The following WWP1 variants were observed in gnomAD, a reference collection of about 807,000 sequenced individuals.
WWP1 encodes NEDD4-like E3 ubiquitin-protein ligase WWP1.
In WWP1, 49 loss-of-function variants were observed where a neutral mutation model predicts 130.6. The observed-to-expected ratio is 0.38, with a 90% CI of 0.30 to 0.48. The LOEUF (loss-of-function observed/expected upper bound fraction) is 0.48, where lower values mean the gene tolerates loss of function less well. Ranked by LOEUF, WWP1 falls within the 20% of genes least tolerant of loss-of-function variation. WWP1 has a pLI of 0.99. For missense variants in WWP1, 809 were observed against 1,100.6 expected (o/e 0.74, Z 3.75); for synonymous variants, 332 against 367.8 (o/e 0.90, Z 1.11).
Position 86,466,829 on chromosome 8 carries a change from A to G in WWP1, c.2705A>G (p.Tyr902Cys), listed in dbSNP as rs1253304877. Residue 902 changes from tyrosine (Y) to cysteine (C), a missense_variant, in exon 25 of 25, where the codon TAT becomes TGT. Physicochemically the swap from Tyr to Cys is radical, Grantham distance 194. Coordinates refer to ENST00000517970, the MANE Select transcript of WWP1 (RefSeq NM_007013.4). ...TTGGATCTACCACCATATAAGAGTT[A>G]TGAACAACTAAAGGAAAAACTTCTT... The part of the protein sequence containing the change: ...NRLDLPPYKS[Y>C]EQLKEKLLFA... 1 of 1,606,148 alleles carries G rather than the reference A, an allele frequency of 6.2e-7. No individual in the cohort carries two copies. The highest frequency in any genetic ancestry group is 8.5e-7 in the Non-Finnish European group (1 of 1,178,136).
rs540782727 is a variant in WWP1 at position 86,369,263 on chromosome 8, C to A, written c.-22+232C>A. 3.7e-3 allele frequency among the ~76,000 whole-genome samples: 566 copies of A among 152,232 alleles called. 3 individuals carry two copies. The highest frequency in any genetic ancestry group is 6.7e-3 in the Non-Finnish European group (453 of 68,010). On this transcript the variant is annotated intron_variant, in intron 2 of 24. Transcript: ENST00000517970. The stretch of plus-strand genomic sequence containing the variant: ...GGGAGAATATATGACAGTACCTTAT[C>A]TTTTAAGTGTCATACAACTTTATTA...
At chr8:86,459,693 T>G (rs1319150516) in intron 22 of WWP1, among the ~76,000 whole-genome samples, 1 of 152,268 alleles carries the variant, frequency 6.6e-6, no homozygotes, top group Non-Finnish European at 1.5e-5. Flanking sequence ...CTGCATTATA[T>G]ACAGTATGCA....
intron 9 of WWP1, among the ~76,000 whole-genome samples, chr8:86,415,748 A>C (rs1563511551): frequency 6.6e-6 from 1 of 152,198 alleles, no homozygotes; most frequent in African/African-American, 2.4e-5. Flanking sequence ...ATGGAGTATG[A>C]ACTCTTTTGA....
chr8:86,395,399 T>G (rs1807601836), intron 5 of WWP1, among the ~76,000 whole-genome samples: 1 of 78,228 alleles, frequency 1.3e-5, no homozygotes, highest in African/African-American at 6.3e-5. Context: ...ATGGACCAGA[T>G]TTTTGAGGAG....
intron 1 of WWP1, among the ~76,000 whole-genome samples, chr8:86,363,630 C>A (rs1449234357): frequency 6.6e-6 from 1 of 151,734 alleles, no homozygotes; most frequent in Non-Finnish European, 1.5e-5. Flanking sequence ...GGTGAAACCC[C>A]GTCTCTACGA....
rs1808585198 is a variant in WWP1, at chr8:86,411,555, T to C, written c.742T>C (p.Ser248Pro). ...CTTCTCAGTTAATGGAGAATCATCC[T>C]CATTTGCACCAACTGATAATGCGTC... The part of the protein sequence containing the change: ...ADDTVNGESS[S>P]FAPTDNASVT... Residue 248 changes from serine to proline, a missense_variant, in exon 9 of 25, where the codon TCA becomes CCA. Ser to Pro is a moderately conservative substitution (Grantham distance 74, BLOSUM62 -1). This residue lies in a region of WWP1 where 262 missense variants were observed against 346.0 expected (regional missense o/e 0.76). Coordinates refer to ENST00000517970, the MANE Select transcript of WWP1 (RefSeq NM_007013.4). 1.9e-6 allele frequency: 3 copies of C among 1,611,224 alleles called. No individual in the cohort carries two copies. The highest frequency in any genetic ancestry group is 2.5e-6 in the Non-Finnish European group (3 of 1,177,940).
chr8:86,359,901 T>G (rs956642216), intron 1 of WWP1, among the ~76,000 whole-genome samples: 1 of 151,798 alleles, frequency 6.6e-6, no homozygotes, highest in South Asian at 2.1e-4. Context: ...TACAAAAAAT[T>G]AGCCGGGCGT....
intron 8 of WWP1, among the ~76,000 whole-genome samples, chr8:86,407,788 A>G (rs1184266514): frequency 2.0e-5 from 3 of 152,198 alleles, no homozygotes; most frequent in African/African-American, 7.2e-5. Flanking sequence ...GGGAGATTGT[A>G]GAGAGTTCCC....
intron 9 of WWP1, among the ~76,000 whole-genome samples, chr8:86,419,332 C>T (rs1337145653): frequency 2.0e-5 from 3 of 152,142 alleles, no homozygotes; most frequent in East Asian, 1.9e-4. Context: ...GCAGAAGAAT[C>T]GCTTGAACCT....
intron 3 of WWP1, among the ~76,000 whole-genome samples, chr8:86,375,871 G>A (rs1824616799): frequency 6.6e-6 from 1 of 152,122 alleles, no homozygotes; most frequent in Admixed American, 6.5e-5. Context: ...GCACCATTTT[G>A]TGTCTACACC....
chr8:86,434,953 C>T (rs1810207937), intron 14 of WWP1, among the ~76,000 whole-genome samples: 1 of 152,182 alleles, frequency 6.6e-6, no homozygotes, highest in Admixed American at 6.5e-5. Flanking sequence ...TTCCTAGGTG[C>T]CGTGCCACCA....
intron 7 of WWP1, among the ~76,000 whole-genome samples, chr8:86,400,173 A>G (rs1807890921): frequency 6.6e-6 from 1 of 152,022 alleles, no homozygotes; most frequent in African/African-American, 2.4e-5. Context: ...TACTAAAAAT[A>G]CAAAAAAAAT....
chr8:86,410,730 A>T (rs1368307620), intron 8 of WWP1, among the ~76,000 whole-genome samples: 8 of 140,040 alleles, frequency 5.7e-5, no homozygotes, highest in Non-Finnish European at 7.7e-5. Flanking sequence ...CTGTATCTGG[A>T]ATGAATTCTA....
At chr8:86,394,553 G>A (rs1224413259) in intron 5 of WWP1, among the ~76,000 whole-genome samples, 1 of 152,196 alleles carries the variant, frequency 6.6e-6, no homozygotes, top group African/African-American at 2.4e-5. Flanking sequence ...TGAAGGAAAT[G>A]AGCAAAGCAG....
intron 12 of WWP1, among the ~76,000 whole-genome samples, 170 bp from the exon 13 acceptor site, chr8:86,431,236 T>C (rs1048052573): frequency 1.1e-4 from 16 of 142,868 alleles, no homozygotes; most frequent in Non-Finnish European, 1.8e-4. Flanking sequence ...TTATATTCTC[T>C]ATAATATATA....
At chr8:86,388,080 T>C (rs530645715) in intron 5 of WWP1, among the ~76,000 whole-genome samples, 1 of 152,328 alleles carries the variant, frequency 6.6e-6, no homozygotes, top group East Asian at 1.9e-4. Flanking sequence ...TAGCCATACA[T>C]GGCCGCTGGC....
intron 5 of WWP1, among the ~76,000 whole-genome samples, chr8:86,388,600 T>C (rs1825427668): frequency 6.6e-6 from 1 of 152,200 alleles, no homozygotes; most frequent in African/African-American, 2.4e-5. Context: ...ATCTGTTTGG[T>C]CTGTGTTCTG....
intron 9 of WWP1, among the ~76,000 whole-genome samples, chr8:86,423,227 A>T (rs1037055751): frequency 6.6e-6 from 1 of 151,808 alleles, no homozygotes; most frequent in Non-Finnish European, 1.5e-5. Context: ...TATTTATTTT[A>T]TTTATTTATT....
intron 16 of WWP1, 133 bp downstream of exon 16, chr8:86,435,837 T>TG (rs1202244480): frequency 2.2e-5 from 17 of 772,646 alleles, no homozygotes; most frequent in Non-Finnish European, 2.9e-5. Context: ...CACCACCACT[T>TG]GTTGAGTGCC....
Sources: gnomAD v4.1 joint callset for allele counts (sites outside exome capture counted in the v4.1 genomes callset) on GRCh38, gnomAD v4.1.1 for gene constraint, gnomAD v4.1.1 regional missense constraint, MANE v1.5 for transcripts, NCBI Gene and HGNC (gene_info 2026-07-23, HGNC 2026-07-21) for gene names.